MAPK8IP3: variants seen among roughly 807,000 people sequenced by gnomAD.
MAPK8IP3 encodes mitogen-activated protein kinase 8 interacting protein 3.
MAPK8IP3 carries 49 observed loss-of-function variants against 157.8 expected under a neutral mutation model. That is an observed-to-expected ratio of 0.31 (90% CI 0.25 to 0.39). MAPK8IP3 has a LOEUF of 0.39. Among genes scored for constraint, MAPK8IP3 ranks in the 10% least tolerant of loss-of-function variants. The pLI is 1.00. For synonymous variants in MAPK8IP3, 897 were observed against 777.7 expected (o/e 1.15, Z -2.55); for missense variants, 1,478 against 1,889.4 (o/e 0.78, Z 4.04).
chr16:1,737,587 A>T (rs2040089727), intron 4 of MAPK8IP3, among the ~76,000 whole-genome samples: 1 of 68,540 alleles, frequency 1.5e-5, no homozygotes, highest in Non-Finnish European at 2.7e-5. Context: ...ACCGTCCGTG[A>T]GCATCCGTGT....
chr16:1,755,769 C>G (rs1199754237), intron 8 of MAPK8IP3, among the ~76,000 whole-genome samples: 2 of 151,148 alleles, frequency 1.3e-5, no homozygotes, highest in Non-Finnish European at 2.9e-5. Context: ...ATCGCTTGAA[C>G]CCGAGACGTG....
chr16:1,735,244 C>T lies in MAPK8IP3; in HGVS notation c.602+5666C>T, dbSNP rs181111503. The stretch of plus-strand genomic sequence containing the variant: ...TCCGTGTGAGCGTCCATGTGACCAT[C>T]GGTGTGAGCATCCGTGTGAGCATGT... On this transcript the variant is annotated intron_variant, in intron 4 of 31. Transcript: ENST00000610761. Among the ~76,000 whole-genome samples, 103 of 150,396 alleles carry T rather than the reference C, an allele frequency of 6.8e-4. 2 individuals are homozygous for T. The South Asian group carries it at 0.012, about 17-fold the overall frequency.
At chr16:1,728,381 C>G (rs2039044762) in intron 2 of MAPK8IP3, among the ~76,000 whole-genome samples, 1 of 152,234 alleles carries the variant, frequency 6.6e-6, no homozygotes, top group Admixed American at 6.5e-5. Flanking sequence ...CAGGAGGTTA[C>G]TCACTTTGAA....
intron 4 of MAPK8IP3, among the ~76,000 whole-genome samples, chr16:1,730,654 T>C (rs777257714): frequency 1.3e-4 from 20 of 152,090 alleles, no homozygotes; most frequent in Non-Finnish European, 2.2e-4. Flanking sequence ...CCATCCTGGC[T>C]AACATGTTGA....
chr16:1,765,710 C>T (rs1017516578), intron 20 of MAPK8IP3, among the ~76,000 whole-genome samples: 3 of 152,164 alleles, frequency 2.0e-5, no homozygotes, highest in Non-Finnish European at 4.4e-5. Context: ...GTTGTTTGCT[C>T]CCAGAACCAG....
chr16:1,748,264 T>C lies in MAPK8IP3; in HGVS notation c.1015T>C (p.Trp339Arg). The change falls in exon 7 of 32, where the codon TGG becomes CGG. Residue 339 changes from tryptophan to arginine, a missense_variant. Physicochemically the swap from Trp to Arg is moderately radical, Grantham distance 101. Around this residue, in one of 11 missense-constraint regions of MAPK8IP3, gnomAD observed 315 missense variants for 394.4 expected, o/e 0.80. Coordinates refer to ENST00000610761, the MANE Select transcript of MAPK8IP3 (RefSeq NM_001318852.2). ...VSIGMGSSDE[W>R]SDVQDIIDST... ...CCTAGGCATGGGCAGCAGTGACGAG[T>C]GGTCTGATGTTCAAGACATTATTGA... The C allele has an allele frequency of 6.2e-7, 1 of 1,613,644 alleles. No homozygotes were observed. Among genetic ancestry groups the C allele is most frequent in the Non-Finnish European group, 8.5e-7 (1 of 1,179,880 alleles).
chr16:1,708,032 C>T (rs982451572), intron 1 of MAPK8IP3: 13 of 152,140 alleles, frequency 8.5e-5, no homozygotes, highest in African/African-American at 3.1e-4. Context: ...GTGTCTGTCG[C>T]GAGGTGGTTA....
At chr16:1,708,297 T>C (rs1192291593) in intron 1 of MAPK8IP3, among the ~76,000 whole-genome samples, 1 of 152,192 alleles carries the variant, frequency 6.6e-6, no homozygotes, top group Non-Finnish European at 1.5e-5. Flanking sequence ...GGAGGGCTGC[T>C]CCCCAGAAGC....
At chr16:1,756,623 A>AACAC (rs60461442) in intron 8 of MAPK8IP3, among the ~76,000 whole-genome samples, 3,207 of 135,648 alleles carry the variant, frequency 0.024, 41 homozygotes, top group East Asian at 0.043. Context: ...TTTTTACTAA[A>AACAC]ACACACACAC....
At chr16:1,736,208 CCATCCGTGTGAGCGTCCGTGTAAG>C (rs2039791447) in intron 4 of MAPK8IP3, among the ~76,000 whole-genome samples, 2 of 65,162 alleles carry the variant, frequency 3.1e-5, no homozygotes, top group Admixed American at 2.1e-4. Context: ...GCATGTGTGA[CCATCCGTGTGAGCGTCCGTGTAAG>C]CATCCGTGTG....
At chr16:1,767,960 A>G in intron 28 of MAPK8IP3, 42 bp downstream of exon 28, 1 of 1,606,998 alleles carries the variant, frequency 6.2e-7, no homozygotes. Context: ...GTGCTGCCAG[A>G]GGTGTACGTG....
In MAPK8IP3 at chr16:1,741,197, G is replaced by A. The variant is rs1205314966; in HGVS notation, c.603-2135G>A. Among the ~76,000 whole-genome samples, 1 of 152,188 alleles carries A rather than the reference G, an allele frequency of 6.6e-6. No homozygotes were observed. Among genetic ancestry groups the A allele is most frequent in the Non-Finnish European group, 1.5e-5 (1 of 68,024 alleles). The stretch of plus-strand genomic sequence containing the variant: ...GGGCAGCGTGACCCCCGAGGGTGGC[G>A]TGACCCCTGGGGGTGGTGGTCTCTG... On this transcript the variant is annotated intron_variant, in intron 4 of 31. Coordinates refer to ENST00000610761, the MANE Select transcript of MAPK8IP3 (RefSeq NM_001318852.2). The surrounding 1 kb of genome is among the most constrained non-coding windows in gnomAD (Gnocchi z 6.9).
intron 26 of MAPK8IP3, 127 bp from the exon 27 acceptor site, chr16:1,767,437 G>A: frequency 6.7e-7 from 1 of 1,501,274 alleles, no homozygotes; most frequent in Non-Finnish European, 9.1e-7. Context: ...GCTCGAACAG[G>A]CGCAAAGCAG....
rs201772349 is a variant in MAPK8IP3, at chr16:1,724,700, G to C, written c.439+23G>C. On this transcript the variant is annotated intron_variant, in intron 2 of 31. Transcript: ENST00000610761. This position sits in a 1 kb window ranked among gnomAD's most constrained non-coding sequence, Gnocchi z 4.1. ...AGAGTAAGTGGCTGGCGGGAGCCTG[G>C]AGGCGCGCTTGATGGGCGCTGCTCT... The C allele has an allele frequency of 4.3e-5, 69 of 1,605,576 alleles. No homozygotes were observed. In the African/African-American group the frequency reaches 8.3e-4, roughly 19 times the overall value.
At chr16:1,739,971 CGTGTGACCGTCCGT>C (rs2040542996) in intron 4 of MAPK8IP3, among the ~76,000 whole-genome samples, 2 of 83,090 alleles carry the variant, frequency 2.4e-5, no homozygotes, top group Admixed American at 1.6e-4. Context: ...TCCGTGTGAG[CGTGTGACCGTCCGT>C]GTGAGCATCC....
chr16:1,709,534 G>A (rs2037624767), intron 1 of MAPK8IP3, among the ~76,000 whole-genome samples: 1 of 152,386 alleles, frequency 6.6e-6, no homozygotes. Context: ...CGCCGTGGAC[G>A]GCAGGCACCG....
intron 10 of MAPK8IP3, 50 bp from the exon 11 acceptor site, chr16:1,759,908 G>T: frequency 6.5e-7 from 1 of 1,537,954 alleles, no homozygotes; most frequent in Non-Finnish European, 9.0e-7. Context: ...GGCGGCATCA[G>T]TGACCTGTTT....
At chr16:1,707,397 T>G (rs2142253091) in intron 1 of MAPK8IP3, 1 of 152,404 alleles carries the variant, frequency 6.6e-6, no homozygotes, top group South Asian at 2.1e-4. Context: ...TTGGCGAGAT[T>G]GTTAGCTGAT....
At chr16:1,758,856 C>A in intron 9 of MAPK8IP3, 122 bp from the exon 10 acceptor site, 1 of 1,027,966 alleles carries the variant, frequency 9.7e-7, no homozygotes, top group Non-Finnish European at 1.5e-6. Flanking sequence ...CCCAGCAGAC[C>A]CAGCTCTGAA....
Sources: gnomAD v4.1 joint callset for allele counts (sites outside exome capture counted in the v4.1 genomes callset) on GRCh38, gnomAD v4.1.1 for gene constraint, gnomAD v4.1.1 regional missense constraint, Gnocchi (gnomAD v3.1) non-coding constraint, MANE v1.5 for transcripts, NCBI Gene and HGNC (gene_info 2026-07-23, HGNC 2026-07-21) for gene names.